The following MRPL33 variants were observed in gnomAD, a reference collection of about 807,000 sequenced individuals.
MRPL33 encodes large ribosomal subunit protein bL33m.
MRPL33 carries 5 observed loss-of-function variants against 10.1 expected under a neutral mutation model. The observed-to-expected ratio is 0.49, with a 90% CI of 0.26 to 1.04. MRPL33 has a LOEUF of 1.04. MRPL33 is among the 50% of genes least tolerant of loss of function. The pLI is 0.14. For missense variants in MRPL33, 79 were observed against 78.1 expected (o/e 1.01, Z -0.04); for synonymous variants, 24 against 27.7 (o/e 0.87, Z 0.42).
intron 1 of MRPL33, chr2:27,772,007 G>T: frequency 1.8e-6 from 1 of 563,186 alleles, no homozygotes; most frequent in Non-Finnish European, 3.1e-6. Flanking sequence ...GAAGGGGTCT[G>T]CGGTGTCTGG....
chr2:27,779,723 AT>A lies in MRPL33; in HGVS notation c.*242del, dbSNP rs1157877636. 5 of 621,612 alleles carry A rather than the reference AT, an allele frequency of 8.0e-6. No individual in the cohort carries two copies. The allele number at this position is 621,612 out of a possible 1,614,324, so 38.5% of individuals were successfully genotyped here. A position where few individuals can be genotyped will look rare whatever the true frequency, so the allele number is the denominator to read the frequency against. On this transcript the variant is annotated 3_prime_UTR_variant, in exon 4 of 4. Coordinates refer to ENST00000296102, the MANE Select transcript of MRPL33 (RefSeq NM_004891.4). ...GTATTTTTATAGCCCTTAATAAAAA[AT>A]ATTAAAATAGCCTGTGCTATTGTGT...
intron 1 of MRPL33, chr2:27,772,189 G>T: frequency 3.6e-6 from 1 of 277,128 alleles, no homozygotes; most frequent in Non-Finnish European, 6.8e-6. Context: ...TGAGTAATGC[G>T]GCAGGGCAGT....
At chr2:27,775,003 G>A (rs762923348) in intron 3 of MRPL33, among the ~76,000 whole-genome samples, 9 of 152,196 alleles carry the variant, frequency 5.9e-5, no homozygotes, top group Non-Finnish European at 2.9e-5. Flanking sequence ...TCATCTGTTC[G>A]ACAGTGGCTA....
chr2:27,778,197 A>G (rs1184455563), intron 3 of MRPL33, among the ~76,000 whole-genome samples: 1 of 152,244 alleles, frequency 6.6e-6, no homozygotes, highest in Non-Finnish European at 1.5e-5. Flanking sequence ...GAATTAAGGT[A>G]GGAGTGGAGG....
chr2:27,772,107 CAG>C (rs1272752512), intron 1 of MRPL33: 1 of 402,732 alleles, frequency 2.5e-6, no homozygotes, highest in Non-Finnish European at 4.4e-6. Context: ...CGAAGGACCT[CAG>C]AATTTGCAGC....
At chr2:27,772,136 C>CT (rs1468867727) in intron 1 of MRPL33, 5 of 358,390 alleles carry the variant, frequency 1.4e-5, no homozygotes, top group Non-Finnish European at 2.5e-5. Flanking sequence ...ATTTCGAACT[C>CT]TAAAAATAAG....
intron 2 of MRPL33, among the ~76,000 whole-genome samples, chr2:27,773,869 A>G (rs944826345): frequency 6.6e-6 from 1 of 152,224 alleles, no homozygotes; most frequent in Non-Finnish European, 1.5e-5. Flanking sequence ...AATAACAAAC[A>G]GTACAGGTAT....
chr2:27,773,377 A>G (rs557401683), intron 2 of MRPL33, among the ~76,000 whole-genome samples: 15 of 152,366 alleles, frequency 9.8e-5, no homozygotes, highest in African/African-American at 3.4e-4. Flanking sequence ...TTTCCCTCCC[A>G]GTATCTTTCA....
chr2:27,778,841 A>C (rs1437528165), intron 3 of MRPL33, among the ~76,000 whole-genome samples: 1 of 152,224 alleles, frequency 6.6e-6, no homozygotes, highest in African/African-American at 2.4e-5. Flanking sequence ...GGTGTGAGTC[A>C]CTGCGCCCAG....
chr2:27,778,446 T>G lies in MRPL33; in HGVS notation c.149-987T>G, dbSNP rs13414261. On this transcript the variant is annotated intron_variant, in intron 3 of 3. Transcript: ENST00000296102. ...AAGAGGAAATAGGTAGGGGTGTGTGTGTGTGTGGGTGTGTGGGTGTGTGTG... is the reference window on the plus strand; with the variant it reads ...AAGAGGAAATAGGTAGGGGTGTGTGGGTGTGTGGGTGTGTGGGTGTGTGTG... Among the ~76,000 whole-genome samples, 1,299 of 152,100 alleles carry G rather than the reference T, an allele frequency of 8.5e-3. 20 individuals carry two copies. The highest frequency in any genetic ancestry group is 0.028 in the African/African-American group (1,180 of 41,508).
intron 3 of MRPL33, among the ~76,000 whole-genome samples, 194 bp from the exon 4 acceptor site, chr2:27,779,239 C>T (rs1218268032): frequency 6.6e-6 from 1 of 152,040 alleles, no homozygotes; most frequent in Admixed American, 6.6e-5. Flanking sequence ...AGCTAGTGGC[C>T]CTATAGCCAT....
intron 3 of MRPL33, among the ~76,000 whole-genome samples, chr2:27,775,970 C>T (rs1301945992): frequency 6.6e-6 from 1 of 152,108 alleles, no homozygotes; most frequent in African/African-American, 2.4e-5. Flanking sequence ...TTCTTTGTGT[C>T]AGCTGGTGAA....
Position 27,772,666 on chromosome 2 carries a change from C to A in MRPL33, c.23-8C>A. 1 of 1,595,576 alleles carries A rather than the reference C, an allele frequency of 6.3e-7. No individual in the cohort carries two copies. The highest frequency in any genetic ancestry group is 8.6e-7 in the Non-Finnish European group (1 of 1,167,106). On this transcript the variant is annotated splice_region_variant and splice_polypyrimidine_tract_variant and intron_variant, in intron 1 of 3. Transcript: ENST00000296102. ...TTTCTTTTCCAACCCTTCCTGTCTA[C>A]AAAAAAGTTGCCAAGAGCAAGTCAA...
intron 3 of MRPL33, among the ~76,000 whole-genome samples, chr2:27,777,203 T>C: frequency 1.3e-5 from 2 of 152,104 alleles, no homozygotes; most frequent in East Asian, 3.9e-4. Context: ...AATAGGTTTT[T>C]GGTTTTTTTT....
intron 2 of MRPL33, among the ~76,000 whole-genome samples, chr2:27,773,191 G>A (rs535943559): frequency 5.9e-5 from 9 of 152,328 alleles, no homozygotes; most frequent in Non-Finnish European, 1.2e-4. Flanking sequence ...TGCTGTACCA[G>A]AGAGACTAGA....
In MRPL33 at chr2:27,772,837, T is replaced by G; in HGVS notation, c.41+145T>G. 9.4e-6 allele frequency: 6 copies of G among 635,996 alleles called. No homozygotes were observed. The South Asian group carries it at 1.3e-4, about 14-fold the overall frequency. The allele number at this position is 635,996 out of a possible 1,614,324, so 39.4% of individuals were successfully genotyped here. On this transcript the variant is annotated intron_variant, in intron 2 of 3. Transcript: ENST00000296102. ...GTTTGTGGATTACTTAGTTGATTAT[T>G]TTTTCTTTATGAACTCTTTCAAAAA...
chr2:27,773,728 T>G (rs1166097765), intron 2 of MRPL33, among the ~76,000 whole-genome samples: 1 of 152,252 alleles, frequency 6.6e-6, no homozygotes, highest in South Asian at 2.1e-4. Flanking sequence ...ATGCCTCTTA[T>G]GAGGCACTGT....
chr2:27,778,069 G>T (rs1216270635), intron 3 of MRPL33, among the ~76,000 whole-genome samples: 1 of 152,154 alleles, frequency 6.6e-6, no homozygotes, highest in African/African-American at 2.4e-5. Flanking sequence ...TATGTACAGT[G>T]TATTAATATC....
intron 3 of MRPL33, among the ~76,000 whole-genome samples, chr2:27,778,432 GGTAGGGGTGTGTGTGTGTGTGGGTGTGT>G (rs1677215073): frequency 6.6e-6 from 1 of 151,426 alleles, no homozygotes; most frequent in African/African-American, 2.4e-5. Context: ...AGAGGAAATA[GGTAGGGGTGTGTGTGTGTGTGGGTGTGT>G]GGGTGTGTGT....
Sources: allele counts gnomAD v4.1 joint callset (sites outside exome capture counted in the v4.1 genomes callset), GRCh38; gene constraint gnomAD v4.1.1; transcripts MANE v1.5; gene names NCBI Gene and HGNC (gene_info 2026-07-23, HGNC 2026-07-21).